FOXK1: variants seen among roughly 807,000 people sequenced by gnomAD.
FOXK1 encodes the protein forkhead box K1, also known as forkhead box protein K1.
A neutral mutation model predicts 51.9 loss-of-function variants in FOXK1; 19 were observed. The ratio of observed to expected loss-of-function variants is 0.37; its 90% CI spans 0.26 to 0.54. The LOEUF is 0.54. FOXK1 is among the 20% of genes least tolerant of loss of function. The pLI is 0.87. For synonymous variants in FOXK1, 537 were observed against 482.6 expected (o/e 1.11, Z -1.48); for missense variants, 870 against 1,032.7 (o/e 0.84, Z 2.16).
In FOXK1 at chr7:4,709,675, CAT is replaced by C. The variant is rs1780149815; in HGVS notation, c.560+26808_560+26809del. 6.6e-6 allele frequency among the ~76,000 whole-genome samples: 1 copy of C among 152,344 alleles called. No homozygotes were observed. The highest frequency in any genetic ancestry group is 1.5e-5 in the Non-Finnish European group (1 of 68,028). ...TTTTGCCGCAGTAAAGCGTAATTCA[CAT>C]GATACAAAACGTCAAATTGCGTTTT... On this transcript the variant is annotated intron_variant, in intron 1 of 8. Transcript: ENST00000328914. The surrounding 1 kb of genome is among the most constrained non-coding windows in gnomAD (Gnocchi z 5.6).
At chr7:4,696,801 C>G (rs1043180952) in intron 1 of FOXK1, among the ~76,000 whole-genome samples, 2 of 152,214 alleles carry the variant, frequency 1.3e-5, no homozygotes, top group African/African-American at 4.8e-5. Flanking sequence ...GGTGCTGTGG[C>G]TCACGCCTGT....
chr7:4,682,977 C>T lies in FOXK1; in HGVS notation c.560+109C>T. 3 of 1,173,960 alleles carry T rather than the reference C, an allele frequency of 2.6e-6. No individual in the cohort carries two copies. Among genetic ancestry groups the T allele is most frequent in the Non-Finnish European group, 1.1e-6 (1 of 882,564 alleles). The allele number at this position is 1,173,960 out of a possible 1,614,324, so 72.7% of individuals were successfully genotyped here. On this transcript the variant is annotated intron_variant, in intron 1 of 8. Coordinates refer to ENST00000328914, the MANE Select transcript of FOXK1 (RefSeq NM_001037165.2). This position sits in a 1 kb window ranked among gnomAD's most constrained non-coding sequence, Gnocchi z 7.6. ...CTCCAGCTTCCTCGGCCTCGACCCC[C>T]ACCCCCCGGCCCACCCCCGGTAACC...
rs114567644 is a variant in FOXK1 at position 4,742,003 on chromosome 7, C to T, written c.746+980C>T. Among the ~76,000 whole-genome samples the T allele has an allele frequency of 6.2e-3, 937 of 152,354 alleles. 14 individuals carry two copies. The highest frequency in any genetic ancestry group is 0.02 in the African/African-American group (852 of 41,584). On this transcript the variant is annotated intron_variant, in intron 2 of 8. Transcript: ENST00000328914. ...TCTTTAATGATTTACCTCTTCATTG[C>T]GGACATTTCTAAACGTGGCTGGCTT... is the stretch of plus-strand genomic sequence containing the variant.
At chr7:4,704,885 G>A (rs1167339027) in intron 1 of FOXK1, among the ~76,000 whole-genome samples, 5 of 142,302 alleles carry the variant, frequency 3.5e-5, no homozygotes, top group African/African-American at 1.2e-4. Context: ...AGGCTGGAGT[G>A]CAGTGGCATG....
intron 1 of FOXK1, among the ~76,000 whole-genome samples, chr7:4,708,417 T>G (rs1780132949): frequency 6.6e-6 from 1 of 151,872 alleles, no homozygotes; most frequent in African/African-American, 2.4e-5. Flanking sequence ...TAAATCAGAG[T>G]GGATCTTGGG....
At position 4,755,356 on chromosome 7, in the gene FOXK1, C is replaced by T; in HGVS notation, c.1023C>T (p.Tyr341=). Reference sequence around the variant, plus strand: ...CCCACATCACCAAGCATTACCCCTACTACCGGACGGCCGACAAAGGCTGGC... The same window carrying T: ...CCCACATCACCAAGCATTACCCCTATTACCGGACGGCCGACAAAGGCTGGC... The part of the protein sequence containing the change: ...IYAHITKHYP[Y]YRTADKGWQN... The change falls in exon 4 of 9, where the codon TAC becomes TAT. Residue 341 remains tyrosine, a synonymous_variant. Transcript: ENST00000328914. The surrounding 1 kb of genome is among the most constrained non-coding windows in gnomAD (Gnocchi z 6.6). 1.9e-6 allele frequency: 3 copies of T among 1,613,640 alleles called. No individual in the cohort carries two copies. Among genetic ancestry groups the T allele is most frequent in the Non-Finnish European group, 2.5e-6 (3 of 1,180,024 alleles).
chr7:4,702,130 G>A (rs1219635613), intron 1 of FOXK1, among the ~76,000 whole-genome samples: 1 of 152,048 alleles, frequency 6.6e-6, no homozygotes, highest in African/African-American at 2.4e-5. Flanking sequence ...TACCCACTAA[G>A]AATCCGTGCT....
chr7:4,760,651 G>T (rs1261299689), intron 7 of FOXK1, among the ~76,000 whole-genome samples: 1 of 152,172 alleles, frequency 6.6e-6, no homozygotes, highest in East Asian at 1.9e-4. Context: ...AGAAGTTCAA[G>T]ACCAGCCTGG....
Position 4,748,350 on chromosome 7 carries a change from C to A in FOXK1, c.747-6109C>A, listed in dbSNP as rs1452381883. Among the ~76,000 whole-genome samples the A allele has an allele frequency of 6.6e-6, 1 of 152,178 alleles. No individual in the cohort carries two copies. The highest frequency in any genetic ancestry group is 2.4e-5 in the African/African-American group (1 of 41,438). ...GGATTTAGCTTCCCCCCTCCCCATC[C>A]CAGTAAAGTTACATCATCATGTCTG... On this transcript the variant is annotated intron_variant, in intron 2 of 8. Transcript: ENST00000328914. The surrounding 1 kb of genome is among the most constrained non-coding windows in gnomAD (Gnocchi z 4.9).
intron 1 of FOXK1, among the ~76,000 whole-genome samples, chr7:4,736,833 A>G (rs867274011): frequency 4.8e-4 from 73 of 152,212 alleles, no homozygotes; most frequent in African/African-American, 1.7e-3. Context: ...TTCTAAACCA[A>G]TTTTCTCTTT....
intron 3 of FOXK1, chr7:4,754,989 C>G (rs73674091): frequency 0.076 from 43,424 of 573,092 alleles, 6,845 homozygotes; most frequent in African/African-American, 0.49. Flanking sequence ...AAATTGATTT[C>G]TGGAAGAGGT....
In FOXK1 at chr7:4,768,236, C is replaced by T. The variant is rs1211137947; in HGVS notation, c.*5772C>T. The T allele has an allele frequency of 2.8e-5, 4 of 144,724 alleles. 1 individual carries two copies. Among genetic ancestry groups the T allele is most frequent in the African/African-American group, 8.3e-5 (3 of 36,144 alleles). The allele number at this position is 144,724 out of a possible 1,614,324, so 9.0% of individuals were successfully genotyped here. A position where few individuals can be genotyped will look rare whatever the true frequency, so the allele number is the denominator to read the frequency against. On this transcript the variant is annotated 3_prime_UTR_variant, in exon 9 of 9. Coordinates refer to ENST00000328914, the MANE Select transcript of FOXK1 (RefSeq NM_001037165.2). ...CAAGCTCCGCCTCCCGGGTTCACGC[C>T]ATTCTCCTGCCTCAGCCTCCCGAGT...
Position 4,737,999 on chromosome 7 carries a change from G to A in FOXK1, c.561-2839G>A, listed in dbSNP as rs183248740. Among the ~76,000 whole-genome samples the A allele has an allele frequency of 3.2e-3, 485 of 152,162 alleles. 2 individuals carry two copies. Among genetic ancestry groups the A allele is most frequent in the African/African-American group, 0.011 (464 of 41,526 alleles). On this transcript the variant is annotated intron_variant, in intron 1 of 8. Transcript: ENST00000328914. Reference sequence around the variant, plus strand: ...TAGCTGGGCGTGGTGGCGCATGCCTGTAGTCCCAGCTACTCGGGAGGCTGA... The same window carrying A: ...TAGCTGGGCGTGGTGGCGCATGCCTATAGTCCCAGCTACTCGGGAGGCTGA...
chr7:4,690,492 GT>G (rs532778487), intron 1 of FOXK1, among the ~76,000 whole-genome samples: 110 of 152,368 alleles, frequency 7.2e-4, no homozygotes, highest in Middle Eastern at 3.4e-3. Context: ...ATTGGGTCGA[GT>G]TAAAACTATG....
chr7:4,705,238 G>C (rs1344727214), intron 1 of FOXK1, among the ~76,000 whole-genome samples: 1 of 151,324 alleles, frequency 6.6e-6, no homozygotes, highest in Non-Finnish European at 1.5e-5. Flanking sequence ...ACCCAGGCTG[G>C]GGGCAGTGGC....
At chr7:4,746,602 C>T (rs562384023) in intron 2 of FOXK1, among the ~76,000 whole-genome samples, 70 of 152,278 alleles carry the variant, frequency 4.6e-4, no homozygotes, top group Admixed American at 1.9e-3. Flanking sequence ...GCAGGAGGAT[C>T]GCTTGAGCCC....
rs1780722196 is a variant in FOXK1 at position 4,747,618 on chromosome 7, C to T, written c.746+6595C>T. 6.6e-6 allele frequency among the ~76,000 whole-genome samples: 1 copy of T among 152,122 alleles called. No individual in the cohort carries two copies. Among genetic ancestry groups the T allele is most frequent in the Non-Finnish European group, 1.5e-5 (1 of 68,028 alleles). Reference sequence around the variant, plus strand: ...TGGCACAGTCACAGCTCACTGCAACCTCAACCTCCCGGGCTCAAGCGATCC... The same window carrying T: ...TGGCACAGTCACAGCTCACTGCAACTTCAACCTCCCGGGCTCAAGCGATCC... On this transcript the variant is annotated intron_variant, in intron 2 of 8. Transcript: ENST00000328914. The surrounding 1 kb of genome is among the most constrained non-coding windows in gnomAD (Gnocchi z 9.2).
In FOXK1 at chr7:4,738,133, A is replaced by G. The variant is rs182588141; in HGVS notation, c.561-2705A>G. Among the ~76,000 whole-genome samples the G allele has an allele frequency of 7.4e-3, 1,034 of 139,214 alleles. 13 individuals are homozygous for G. Among genetic ancestry groups the G allele is most frequent in the African/African-American group, 0.025 (993 of 40,164 alleles). The allele number at this position is 139,214 out of a possible 152,430, so 91.3% of individuals were successfully genotyped here. On this transcript the variant is annotated intron_variant, in intron 1 of 8. Coordinates refer to ENST00000328914, the MANE Select transcript of FOXK1 (RefSeq NM_001037165.2). ...GCCAAACTCTGCCTCAAAAAGAGAA[A>G]AAAAAAAAAAAAGGGTGATGTGGCC... is the stretch of plus-strand genomic sequence containing the variant.
At chr7:4,751,860 C>G (rs1392462099) in intron 2 of FOXK1, among the ~76,000 whole-genome samples, 1 of 152,258 alleles carries the variant, frequency 6.6e-6, no homozygotes, top group African/African-American at 2.4e-5. Flanking sequence ...ACTCTCTCGC[C>G]TGTGGGAGCC....
Sources: allele counts gnomAD v4.1 joint callset (sites outside exome capture counted in the v4.1 genomes callset), GRCh38; gene constraint gnomAD v4.1.1; non-coding constraint Gnocchi (gnomAD v3.1); transcripts MANE v1.5; gene names NCBI Gene and HGNC (gene_info 2026-07-23, HGNC 2026-07-21).